UBE4B: variants seen among roughly 807,000 people sequenced by gnomAD.
UBE4B encodes ubiquitin conjugation factor E4 B.
In UBE4B, 27 loss-of-function variants were observed where a neutral mutation model predicts 148.1. The ratio of observed to expected loss-of-function variants is 0.18; its 90% confidence interval spans 0.13 to 0.25. The LOEUF is 0.25. Among genes scored for constraint, UBE4B ranks in the 10% least tolerant of loss-of-function variants. UBE4B has a pLI of 1.00. For synonymous variants in UBE4B, 596 were observed against 619.3 expected (o/e 0.96, Z 0.56); for missense variants, 1,170 against 1,662.4 (o/e 0.70, Z 5.15).
At chr1:10,085,220 C>T (rs1345494149) in intron 2 of UBE4B, among the ~76,000 whole-genome samples, 1 of 152,162 alleles carries the variant, frequency 6.6e-6, no homozygotes, top group Non-Finnish European at 1.5e-5. Flanking sequence ...AGAGCCACAC[C>T]CTGGCCTGTC....
chr1:10,167,587 GA>G (rs1646273037), intron 23 of UBE4B, among the ~76,000 whole-genome samples: 1 of 145,836 alleles, frequency 6.9e-6, no homozygotes, highest in Admixed American at 6.8e-5. Flanking sequence ...AGTTGATGGT[GA>G]CTTTTTTTTT....
At chr1:10,093,334 T>G (rs1285495975) in intron 2 of UBE4B, among the ~76,000 whole-genome samples, 1 of 152,214 alleles carries the variant, frequency 6.6e-6, no homozygotes, top group Non-Finnish European at 1.5e-5. Context: ...TTTCAGGGCT[T>G]ACTTTGGGTT....
chr1:10,058,345 G>C (rs147494831), intron 1 of UBE4B, among the ~76,000 whole-genome samples: 2 of 152,150 alleles, frequency 1.3e-5, no homozygotes, highest in African/African-American at 4.8e-5. Flanking sequence ...TTCTACCCCC[G>C]TCTGTTTCCA....
At chr1:10,172,777 A>G (rs937005726) in intron 25 of UBE4B, among the ~76,000 whole-genome samples, 2 of 152,180 alleles carry the variant, frequency 1.3e-5, no homozygotes, top group Non-Finnish European at 2.9e-5. Context: ...AGTGGTCTTA[A>G]CAAAGGATTT....
intron 2 of UBE4B, among the ~76,000 whole-genome samples, chr1:10,093,419 A>C (rs1219827312): frequency 6.6e-6 from 1 of 152,182 alleles, no homozygotes; most frequent in Non-Finnish European, 1.5e-5. Context: ...ACTACGGTAG[A>C]TGCTTTGTGT....
At chr1:10,107,646 CG>C (rs1471031535) in intron 7 of UBE4B, among the ~76,000 whole-genome samples, 1 of 148,182 alleles carries the variant, frequency 6.7e-6, no homozygotes, top group Non-Finnish European at 1.5e-5. Flanking sequence ...GGCGCAATCT[CG>C]GCTCACGGCA....
rs747455511 is a variant in UBE4B, at chr1:10,126,892, T to C, written c.1638+15T>C. The C allele has an allele frequency of 5.0e-6, 8 of 1,604,104 alleles. No individual in the cohort carries two copies. In the South Asian group the frequency reaches 6.6e-5, roughly 13 times the overall value. On this transcript the variant is annotated intron_variant, in intron 11 of 27. Coordinates refer to ENST00000343090, the MANE Select transcript of UBE4B (RefSeq NM_001105562.3). ...ACCCCCTCATGGTAAAACTTTGTTCTTTTTCTTTAACTCATTCAATAGATG... is the reference window on the plus strand; with the variant it reads ...ACCCCCTCATGGTAAAACTTTGTTCCTTTTCTTTAACTCATTCAATAGATG...
At chr1:10,091,425 A>T (rs1426087040) in intron 2 of UBE4B, among the ~76,000 whole-genome samples, 1 of 152,000 alleles carries the variant, frequency 6.6e-6, no homozygotes, top group Non-Finnish European at 1.5e-5. Context: ...AGACACCATC[A>T]GGTTTTTGTG....
intron 25 of UBE4B, among the ~76,000 whole-genome samples, chr1:10,176,313 G>T (rs2102043353): frequency 6.6e-6 from 1 of 152,304 alleles, no homozygotes; most frequent in African/African-American, 2.4e-5. Flanking sequence ...GAACATTTGT[G>T]TAAAAGTATT....
intron 23 of UBE4B, among the ~76,000 whole-genome samples, chr1:10,163,050 T>C (rs796622897): frequency 3.3e-5 from 5 of 152,216 alleles, no homozygotes; most frequent in African/African-American, 9.6e-5. Flanking sequence ...TATTTACTTA[T>C]TTGTTTTTTA....
rs534090471 is a variant in UBE4B, at chr1:10,126,585, C to G, written c.1555-209C>G. ...AGAGTTCACCAAACTCCTCTTACTT[C>G]TGGAGAATTCAGCTGTATTACTTTA... On this transcript the variant is annotated intron_variant, in intron 10 of 27. Transcript: ENST00000343090. Among the ~76,000 whole-genome samples the G allele has an allele frequency of 1.1e-4, 16 of 152,224 alleles. No homozygotes were observed. The East Asian group carries it at 3.1e-3, about 29-fold the overall frequency.
chr1:10,123,981 G>C (rs548972179), intron 10 of UBE4B, among the ~76,000 whole-genome samples: 38 of 151,728 alleles, frequency 2.5e-4, no homozygotes, highest in Non-Finnish European at 5.4e-4. Context: ...CACCATGTTG[G>C]CCAGACTGGT....
intron 17 of UBE4B, 111 bp from the exon 18 acceptor site, chr1:10,144,829 T>C (rs1289398210): frequency 7.6e-5 from 51 of 667,716 alleles, no homozygotes; most frequent in Non-Finnish European, 1.1e-4. Context: ...TTAAAGATGT[T>C]ACAATGCGAA....
chr1:10,071,437 A>C (rs1193665522), intron 1 of UBE4B, among the ~76,000 whole-genome samples: 1 of 152,094 alleles, frequency 6.6e-6, no homozygotes, highest in Non-Finnish European at 1.5e-5. Flanking sequence ...AAAAAAAATT[A>C]ATTAGCTGGA....
intron 23 of UBE4B, among the ~76,000 whole-genome samples, chr1:10,167,687 G>A (rs949362534): frequency 1.3e-5 from 2 of 150,572 alleles, no homozygotes; most frequent in Non-Finnish European, 3.0e-5. Flanking sequence ...CAGCCTTCTG[G>A]GTTCAAGCAG....
rs775504940 is a variant in UBE4B at position 10,135,226 on chromosome 1, C to A, written c.2224+40C>A. On this transcript the variant is annotated intron_variant, in intron 16 of 27. Coordinates refer to ENST00000343090, the MANE Select transcript of UBE4B (RefSeq NM_001105562.3). ...CGTGACTCGGTCATTAAAACACTGCCCTCTTGTCTGTGTGCTAGTAGTTCC... is the reference window on the plus strand; with the variant it reads ...CGTGACTCGGTCATTAAAACACTGCACTCTTGTCTGTGTGCTAGTAGTTCC... 5.1e-6 allele frequency: 8 copies of A among 1,569,476 alleles called. No homozygotes were observed. In the African/African-American group the frequency reaches 1.1e-4, roughly 21 times the overall value.
chr1:10,135,338 A>G (rs61782920), intron 16 of UBE4B, 152 bp downstream of exon 16: 45,409 of 834,996 alleles, frequency 0.054, 2,381 homozygotes, highest in African/African-American at 0.22. Flanking sequence ...TGGCGTGGTG[A>G]CTCATACCTA....
rs551898203 is a variant in UBE4B, at chr1:10,063,491, C to G, written c.25-8537C>G. On this transcript the variant is annotated intron_variant, in intron 1 of 27. Coordinates refer to ENST00000343090, the MANE Select transcript of UBE4B (RefSeq NM_001105562.3). ...TTTACTTCCAAATAACAGCCAAGTT[C>G]TGTTGGGAACACAGATCAAGTATCT... Among the ~76,000 whole-genome samples, 6 of 152,336 alleles carry G rather than the reference C, an allele frequency of 3.9e-5. No individual in the cohort carries two copies. The South Asian group carries it at 1.0e-3, about 26-fold the overall frequency.
At chr1:10,179,787 G>A in intron 27 of UBE4B, 108 bp from the exon 28 acceptor site, 1 of 1,462,182 alleles carries the variant, frequency 6.8e-7, no homozygotes, top group South Asian at 1.2e-5. Context: ...TCGGCTCAAT[G>A]AGGGAAAGAA....
Sources: gnomAD v4.1 joint callset for allele counts (sites outside exome capture counted in the v4.1 genomes callset) on GRCh38, gnomAD v4.1.1 for gene constraint, MANE v1.5 for transcripts, NCBI Gene and HGNC (gene_info 2026-07-23, HGNC 2026-07-21) for gene names.